Variants in GLIPR1L2 observed in about 807,000 individuals in gnomAD.
GLIPR1L2 encodes the protein GLIPR1 like 2.
GLIPR1L2 carries 21 observed loss-of-function variants against 28.4 expected under a neutral mutation model. The observed-to-expected ratio is 0.74, with a 90% CI of 0.52 to 1.06. GLIPR1L2 has a LOEUF of 1.06. GLIPR1L2 is among the 50% of genes least tolerant of loss of function. The pLI is 0.00. For synonymous variants in GLIPR1L2, 145 were observed against 139.3 expected, an observed-to-expected ratio of 1.04 and a Z score of -0.29; for missense variants, 476 against 416.9, an observed-to-expected ratio of 1.14 and a Z score of -1.23.
intron 1 of GLIPR1L2, 99 bp from the exon 2 acceptor site, chr12:75,410,335 G>C: frequency 8.7e-7 from 1 of 1,153,076 alleles, no homozygotes; most frequent in Admixed American, 3.1e-5. Context: ...TACAAAGTTA[G>C]AATTGTTTCC....
Position 75,432,446 on chromosome 12 carries a change from A to G in GLIPR1L2, c.*1285A>G, listed in dbSNP as rs1298695062. 6.6e-6 allele frequency: 1 copy of G among 152,170 alleles called. No homozygotes were observed. Among genetic ancestry groups the G allele is most frequent in the East Asian group, 1.9e-4 (1 of 5,202 alleles). The allele number at this position is 152,170 out of a possible 1,614,324, so 9.4% of individuals were successfully genotyped here. On this transcript the variant is annotated 3_prime_UTR_variant, in exon 6 of 6. Coordinates refer to ENST00000550916, the MANE Select transcript of GLIPR1L2 (RefSeq NM_001270396.2). ...CACTGCATATCTGATGTTTTCAAAT[A>G]AAACAATCTCTGTTTTCTGGTTTTG...
chr12:75,422,055 CAGT>C (rs2045982003), intron 3 of GLIPR1L2, among the ~76,000 whole-genome samples: 1 of 151,990 alleles, frequency 6.6e-6, no homozygotes, highest in Admixed American at 6.6e-5. Flanking sequence ...TGCAGTGGCA[CAGT>C]CAGCTCACTG....
At chr12:75,397,705 A>C (rs1265056729) in intron 1 of GLIPR1L2, among the ~76,000 whole-genome samples, 2 of 152,152 alleles carry the variant, frequency 1.3e-5, no homozygotes, top group Non-Finnish European at 1.5e-5. Flanking sequence ...CATAGGATAG[A>C]TCTAGAACTG....
At chr12:75,427,089 T>C (rs534621222) in intron 4 of GLIPR1L2, among the ~76,000 whole-genome samples, 1 of 152,084 alleles carries the variant, frequency 6.6e-6, no homozygotes, top group East Asian at 1.9e-4. Flanking sequence ...TAATAAAACT[T>C]GGGAGGAGAA....
chr12:75,401,228 T>G (rs1370487338), intron 1 of GLIPR1L2, among the ~76,000 whole-genome samples: 1 of 151,580 alleles, frequency 6.6e-6, no homozygotes, highest in Non-Finnish European at 1.5e-5. Context: ...ATTTAATTTC[T>G]TTATCAATAA....
At chr12:75,423,323 A>G (rs1361482900) in intron 4 of GLIPR1L2, 4 of 1,095,644 alleles carry the variant, frequency 3.7e-6, no homozygotes, top group Non-Finnish European at 4.4e-6. Flanking sequence ...AAAGGATAGT[A>G]TATTCCAAAA....
intron 1 of GLIPR1L2, among the ~76,000 whole-genome samples, chr12:75,404,871 TGTTAG>T (rs2045779295): frequency 6.6e-6 from 1 of 152,152 alleles, no homozygotes; most frequent in African/African-American, 2.4e-5. Flanking sequence ...CTTAAAGTTA[TGTTAG>T]ATTAAATTAA....
At chr12:75,406,855 T>C (rs940707763) in intron 1 of GLIPR1L2, among the ~76,000 whole-genome samples, 5 of 151,960 alleles carry the variant, frequency 3.3e-5, no homozygotes, top group African/African-American at 7.2e-5. Context: ...AACCAAACTT[T>C]AGTCAGACTT....
rs377695461 is a variant in GLIPR1L2 at position 75,430,860 on chromosome 12, G to A, written c.734G>A (p.Arg245Gln). The A allele has an allele frequency of 5.8e-5, 89 of 1,534,840 alleles. 1 individual carries two copies. The highest frequency in any genetic ancestry group is 1.7e-4 in the East Asian group (7 of 40,892). ...RFWYPKWEMPRPVVCDPLCTF... is the reference protein window; with the variant it reads ...RFWYPKWEMPQPVVCDPLCTF... ...TGGTATCCAAAATGGGAAATGCCCCGGCCAGTTGTGTGTGATCCACTGTGC... is the reference window on the plus strand; with the variant it reads ...TGGTATCCAAAATGGGAAATGCCCCAGCCAGTTGTGTGTGATCCACTGTGC... Residue 245 changes from arginine (R) to glutamine (Q), a missense_variant, in exon 6 of 6, where the codon CGG (arginine) becomes CAG (glutamine). Transcript: ENST00000550916.
chr12:75,423,291 C>T (rs2045998093), intron 4 of GLIPR1L2: 2 of 1,186,870 alleles, frequency 1.7e-6, no homozygotes, highest in African/African-American at 1.6e-5. Context: ...CAAACAGCAG[C>T]CTGTTTGATA....
intron 1 of GLIPR1L2, among the ~76,000 whole-genome samples, chr12:75,408,903 A>G (rs1033089006): frequency 6.6e-6 from 1 of 152,024 alleles, no homozygotes; most frequent in Non-Finnish European, 1.5e-5. Flanking sequence ...AATTTTTTTA[A>G]TAGTGGTTAC....
Position 75,391,342 on chromosome 12 carries a change from C to T in GLIPR1L2, c.226C>T (p.Arg76Cys). The T allele has an allele frequency of 1.9e-6, 3 of 1,613,698 alleles. No individual in the cohort carries two copies. The highest frequency in any genetic ancestry group is 2.5e-6 in the Non-Finnish European group (3 of 1,179,576). ...CGTCATTCCCCGAGGGTCTAACTTG[C>T]GCTTCATGGTGAGGCCGGAAGGCGG... ...GDVIPRGSNL[R>C]FMTWDVALSR... Residue 76 changes from arginine (R) to cysteine (C), a missense_variant, in exon 1 of 6, where the codon CGC becomes TGC. Arg to Cys is a radical substitution (Grantham distance 180). Coordinates refer to ENST00000550916, the MANE Select transcript of GLIPR1L2 (RefSeq NM_001270396.2).
In GLIPR1L2 at chr12:75,394,763, C is replaced by CAAAA. The variant is rs71078727; in HGVS notation, c.234+3431_234+3434dup. 5.5e-4 allele frequency among the ~76,000 whole-genome samples: 44 copies of CAAAA among 80,248 alleles called. 1 individual carries two copies. The highest frequency in any genetic ancestry group is 2.5e-3 in the South Asian group (5 of 2,032). 52.6% of individuals were successfully genotyped at this position (80,248 alleles called of 152,430 possible). On this transcript the variant is annotated intron_variant, in intron 1 of 5. Transcript: ENST00000550916. ...TTTGAGATGTATTTTTGTATTTCTG[C>CAAAA]AAAAAAAAAAAAAAAAAAAAACATT...
At chr12:75,396,746 GT>G (rs910900148) in intron 1 of GLIPR1L2, among the ~76,000 whole-genome samples, 16 of 152,258 alleles carry the variant, frequency 1.1e-4, no homozygotes, top group Non-Finnish European at 1.6e-4. Context: ...AGAAATCCTG[GT>G]TTTGAAACCC....
chr12:75,391,961 C>G (rs1309662923), intron 1 of GLIPR1L2, among the ~76,000 whole-genome samples: 1 of 151,882 alleles, frequency 6.6e-6, no homozygotes, highest in Non-Finnish European at 1.5e-5. Context: ...CTGATTTTGC[C>G]TTACCTTACA....
At chr12:75,424,536 C>T (rs2046013808) in intron 4 of GLIPR1L2, among the ~76,000 whole-genome samples, 1 of 152,062 alleles carries the variant, frequency 6.6e-6, no homozygotes, top group African/African-American at 2.4e-5. Flanking sequence ...ACGTCGAATT[C>T]CTGGGCTCAG....
chr12:75,420,117 G>T (rs1466374072), intron 3 of GLIPR1L2, among the ~76,000 whole-genome samples: 1 of 152,142 alleles, frequency 6.6e-6, no homozygotes, highest in Admixed American at 6.5e-5. Flanking sequence ...TAGTTGTTCT[G>T]GCTGTATGAG....
chr12:75,399,407 T>C (rs2045715685), intron 1 of GLIPR1L2, among the ~76,000 whole-genome samples: 1 of 152,174 alleles, frequency 6.6e-6, no homozygotes, highest in Non-Finnish European at 1.5e-5. Context: ...TCAATATAAA[T>C]TCCAACTAGT....
At chr12:75,402,796 G>A (rs1271602020) in intron 1 of GLIPR1L2, among the ~76,000 whole-genome samples, 3 of 152,122 alleles carry the variant, frequency 2.0e-5, no homozygotes, top group Non-Finnish European at 2.9e-5. Context: ...AGTCAGTTTA[G>A]CAAGAATCCC....
Sources: allele counts gnomAD v4.1 joint callset (sites outside exome capture counted in the v4.1 genomes callset), GRCh38; gene constraint gnomAD v4.1.1; transcripts MANE v1.5; gene names NCBI Gene and HGNC (gene_info 2026-07-23, HGNC 2026-07-21).